The following MYOCOS variants were observed in gnomAD, a reference collection of about 807,000 sequenced individuals.
The protein encoded by MYOCOS is myocilin opposite strand protein.
At position 171,626,538 on chromosome 1, in the gene MYOCOS, G is replaced by A. The variant is rs543894901; in HGVS notation, c.180G>A (p.Arg60=). 201 of 398,586 alleles carry A rather than the reference G, an allele frequency of 5.0e-4. 3 individuals are homozygous for A. The East Asian group carries it at 7.2e-3, about 14-fold the overall frequency. The allele number at this position is 398,586 out of a possible 1,614,324, so 24.7% of individuals were successfully genotyped here. A position where few individuals can be genotyped will look rare whatever the true frequency, so the allele number is the denominator to read the frequency against. Reference sequence around the variant, plus strand: ...TGGAGCAAGCCCCTCCCCCTCACAGGACCTACCTCACAGTACCTCCTGCCC... The same window carrying A: ...TGGAGCAAGCCCCTCCCCCTCACAGAACCTACCTCACAGTACCTCCTGCCC... ...LDLEQAPPPH[R]TYLTVPPAPP... The change falls in exon 3 of 3, where the codon AGG becomes AGA. Residue 60 remains arginine, a synonymous_variant. Transcript: ENST00000637642.
upstream of MYOCOS, among the ~76,000 whole-genome samples, chr1:171,620,897 G>A (rs1652553523): frequency 6.6e-6 from 1 of 151,042 alleles, no homozygotes; most frequent in South Asian, 2.1e-4. Context: ...AGCCTCCCGA[G>A]TAGCTGGGAT....
At chr1:171,612,785 G>A (rs778067473) in intron 1 of MYOCOS, among the ~76,000 whole-genome samples, 2 of 152,090 alleles carry the variant, frequency 1.3e-5, no homozygotes, top group Non-Finnish European at 2.9e-5. Context: ...AGCCAATATC[G>A]TGCCATTGCA....
At chr1:171,600,957 C>CA (rs1463423507) in exon 1 of MYOCOS, 1 of 152,276 alleles carries the variant, frequency 6.6e-6, no homozygotes, top group Non-Finnish European at 1.5e-5. Context: ...ACGAGGCAGA[C>CA]AAAACCTGGG....
intron 1 of MYOCOS, among the ~76,000 whole-genome samples, chr1:171,602,973 G>A (rs1322181319): frequency 6.6e-6 from 1 of 152,192 alleles, no homozygotes; most frequent in African/African-American, 2.4e-5. Context: ...GCACATGGCA[G>A]GCCAGAGGCC....
intron 1 of MYOCOS, among the ~76,000 whole-genome samples, chr1:171,602,155 T>G (rs1652155665): frequency 6.6e-6 from 1 of 152,158 alleles, no homozygotes; most frequent in South Asian, 2.1e-4. Context: ...ATAAATTAAC[T>G]GCTTGTTTAA....
Position 171,612,228 on chromosome 1 carries a change from G to T in MYOCOS, c.-251-2570G>T, listed in dbSNP as rs1332434694. ...TGAGTAGCTGGGGTTACAGGCATCT[G>T]CCACCATGCCTGGCTAATTTTTGTA... On this transcript the variant is annotated intron_variant, in intron 1 of 3. Coordinates refer to the MYOCOS transcript ENST00000636697. Among the ~76,000 whole-genome samples, 3 of 152,092 alleles carry T rather than the reference G, an allele frequency of 2.0e-5. No individual in the cohort carries two copies. The East Asian group carries it at 5.9e-4, about 30-fold the overall frequency.
intron 2 of MYOCOS, among the ~76,000 whole-genome samples, chr1:171,616,209 C>T (rs1014292866): frequency 6.7e-5 from 10 of 149,366 alleles, no homozygotes; most frequent in African/African-American, 2.5e-4. Context: ...AAGAGCGAAA[C>T]TCCATCTCAA....
intron 2 of MYOCOS, among the ~76,000 whole-genome samples, chr1:171,625,073 C>T (rs1469037587): frequency 6.6e-6 from 1 of 152,078 alleles, no homozygotes; most frequent in Admixed American, 6.6e-5. Flanking sequence ...TGTAAGATTC[C>T]AGCAAATTGA....
chr1:171,603,128 C>G (rs1159350939), intron 1 of MYOCOS, among the ~76,000 whole-genome samples: 1 of 152,172 alleles, frequency 6.6e-6, no homozygotes, highest in Non-Finnish European at 1.5e-5. Context: ...CAGGTCAGCC[C>G]CCAAAGGCCA....
At chr1:171,605,146 C>T (rs1036340740) in intron 1 of MYOCOS, among the ~76,000 whole-genome samples, 3 of 151,522 alleles carry the variant, frequency 2.0e-5, no homozygotes, top group Admixed American at 1.3e-4. Context: ...CTTCATGTTA[C>T]GTTTGTGGAG....
chr1:171,625,536 G>A (rs1016605788), intron 2 of MYOCOS, among the ~76,000 whole-genome samples: 3 of 152,192 alleles, frequency 2.0e-5, no homozygotes, highest in African/African-American at 7.2e-5. Flanking sequence ...AATGTTCAGG[G>A]AACAATTAAA....
At position 171,624,836 on chromosome 1, in the gene MYOCOS, A is replaced by C. The variant is rs1259454726; in HGVS notation, c.95+858A>C. On this transcript the variant is annotated intron_variant, in intron 2 of 2. Coordinates refer to ENST00000637642, the MANE Select transcript of MYOCOS (RefSeq NM_001391940.1). Reference sequence around the variant, plus strand: ...TGGGCTCAAGTGGTCCACCTGCCTCAGCATCCCAAGGTGCTGGGATTACAG... The same window carrying C: ...TGGGCTCAAGTGGTCCACCTGCCTCCGCATCCCAAGGTGCTGGGATTACAG... Among the ~76,000 whole-genome samples, 19 of 152,014 alleles carry C rather than the reference A, an allele frequency of 1.2e-4. 1 individual carries two copies. Among genetic ancestry groups the C allele is most frequent in the Admixed American group, 1.2e-3 (19 of 15,254 alleles).
rs766232589 is a variant in MYOCOS at position 171,626,604 on chromosome 1, T to C, written c.*3T>C. ...CTGAGGATCCCACGGTCTCCTAAGATGTAAAACTTATTTTGAAGTGAATTC... is the reference window on the plus strand; with the variant it reads ...CTGAGGATCCCACGGTCTCCTAAGACGTAAAACTTATTTTGAAGTGAATTC... On this transcript the variant is annotated 3_prime_UTR_variant, in exon 3 of 3. Coordinates refer to ENST00000637642, the MANE Select transcript of MYOCOS (RefSeq NM_001391940.1). The C allele has an allele frequency of 7.5e-5, 30 of 398,470 alleles. No individual in the cohort carries two copies. The highest frequency in any genetic ancestry group is 1.2e-4 in the Non-Finnish European group (28 of 226,056). The allele number at this position is 398,470 out of a possible 1,614,324, so 24.7% of individuals were successfully genotyped here.
upstream of MYOCOS, among the ~76,000 whole-genome samples, chr1:171,620,926 C>A (rs1304396794): frequency 6.6e-6 from 1 of 151,860 alleles, no homozygotes; most frequent in East Asian, 1.9e-4. Context: ...AGTGCCACCA[C>A]GCCGGGCTAA....
chr1:171,609,010 C>T (rs1318342355), intron 1 of MYOCOS, among the ~76,000 whole-genome samples: 1 of 152,088 alleles, frequency 6.6e-6, no homozygotes, highest in Non-Finnish European at 1.5e-5. Flanking sequence ...TCCTGGGAAA[C>T]CTGAAGAAGA....
intron 2 of MYOCOS, among the ~76,000 whole-genome samples, chr1:171,616,974 A>G (rs1226449291): frequency 6.6e-6 from 1 of 152,186 alleles, no homozygotes; most frequent in Non-Finnish European, 1.5e-5. Context: ...GCTGGCACCT[A>G]GAGAAAGAGA....
At chr1:171,604,411 T>C (rs1381067576) in intron 1 of MYOCOS, 1 of 152,208 alleles carries the variant, frequency 6.6e-6, no homozygotes, top group Admixed American at 6.5e-5. Flanking sequence ...CCTATTATTT[T>C]ATAGTTATTA....
At chr1:171,623,779 C>A (rs1652622641) in intron 1 of MYOCOS, 62 bp from the exon 2 acceptor site, 1 of 397,396 alleles carries the variant, frequency 2.5e-6, no homozygotes, top group East Asian at 3.6e-5. Flanking sequence ...CATTCTGGAC[C>A]TAGCTGGAGC....
chr1:171,621,518 G>C (rs1009690328), upstream of MYOCOS, among the ~76,000 whole-genome samples: 1 of 151,712 alleles, frequency 6.6e-6, no homozygotes, highest in Non-Finnish European at 1.5e-5. Context: ...TGGGACTACA[G>C]GCACCCGCCA....
Sources: allele counts gnomAD v4.1 joint callset (sites outside exome capture counted in the v4.1 genomes callset), GRCh38; gene constraint gnomAD v4.1.1; transcripts MANE v1.5; gene names NCBI Gene and HGNC (gene_info 2026-07-23, HGNC 2026-07-21).